The following ERBB4 variants were observed in gnomAD, a reference collection of about 807,000 sequenced individuals.
ERBB4 encodes erb-b2 receptor tyrosine kinase 4.
In ERBB4, 42 loss-of-function variants were observed where a neutral mutation model predicts 158.0. The observed-to-expected ratio is 0.27, with a 90% confidence interval of 0.21 to 0.34. The LOEUF is 0.34. Ranked by LOEUF, ERBB4 falls within the 10% of genes least tolerant of loss-of-function variation. ERBB4 has a pLI of 1.00. For missense variants in ERBB4, 1,333 were observed against 1,624.1 expected (o/e 0.82, Z 3.08); for synonymous variants, 583 against 558.7 (o/e 1.04, Z -0.61).
chr2:212,175,025 C>T (rs910524815), intron 1 of ERBB4, among the ~76,000 whole-genome samples: 2 of 152,062 alleles, frequency 1.3e-5, no homozygotes, highest in African/African-American at 4.8e-5. Flanking sequence ...ATGGCTTTTC[C>T]TCTGCCGTTT....
chr2:211,777,452 TAAC>T (rs1472254987), intron 4 of ERBB4: 1 of 152,192 alleles, frequency 6.6e-6, no homozygotes, highest in African/African-American at 2.4e-5. Flanking sequence ...TACCTTATCT[TAAC>T]AACAACTGCA....
chr2:211,900,616 C>G (rs2125030389), intron 3 of ERBB4, among the ~76,000 whole-genome samples: 1 of 152,096 alleles, frequency 6.6e-6, no homozygotes, highest in African/African-American at 2.4e-5. Context: ...AGTTTGCTGA[C>G]TTTTTTGATT....
intron 1 of ERBB4, among the ~76,000 whole-genome samples, chr2:212,377,768 T>C (rs1416033750): frequency 6.6e-6 from 1 of 151,936 alleles, no homozygotes; most frequent in East Asian, 1.9e-4. Context: ...TCTTCAATAA[T>C]ATAACCTTAG....
At chr2:212,356,358 T>C (rs1206465987) in intron 1 of ERBB4, among the ~76,000 whole-genome samples, 1 of 151,970 alleles carries the variant, frequency 6.6e-6, no homozygotes, top group Non-Finnish European at 1.5e-5. Context: ...AATGGGTCTG[T>C]CTCAGATGTC....
chr2:211,446,326 G>A (rs936502897), intron 20 of ERBB4, among the ~76,000 whole-genome samples: 8 of 152,292 alleles, frequency 5.3e-5, no homozygotes, highest in Non-Finnish European at 7.4e-5. Context: ...ATTGTCCTCA[G>A]AAGCAGAGAA....
chr2:212,167,506 T>C (rs926167462), intron 1 of ERBB4, among the ~76,000 whole-genome samples: 2 of 152,156 alleles, frequency 1.3e-5, no homozygotes, highest in Non-Finnish European at 1.5e-5. Context: ...ATAAATTAAT[T>C]CTAACTATTA....
chr2:211,752,512 A>G (rs1470219651), intron 4 of ERBB4, among the ~76,000 whole-genome samples: 1 of 149,466 alleles, frequency 6.7e-6, no homozygotes, highest in Non-Finnish European at 1.5e-5. Context: ...AAAAGAAAAG[A>G]AAAGATAAAA....
chr2:211,936,461 G>A (rs2080324670), intron 3 of ERBB4, among the ~76,000 whole-genome samples: 1 of 151,706 alleles, frequency 6.6e-6, no homozygotes. Context: ...CTTCAAAATT[G>A]TTATAGTCAT....
At chr2:211,682,557 G>A (rs1349677322) in intron 12 of ERBB4, among the ~76,000 whole-genome samples, 2 of 152,066 alleles carry the variant, frequency 1.3e-5, no homozygotes, top group African/African-American at 4.8e-5. Flanking sequence ...AACAATCACA[G>A]GTACTATGTA....
chr2:211,599,513 C>CTTGTGTGTGTGTGTGTGTGTGTGTGTGTG (rs1491358169), intron 19 of ERBB4, among the ~76,000 whole-genome samples: 1 of 140,804 alleles, frequency 7.1e-6, no homozygotes, highest in Non-Finnish European at 1.6e-5. Flanking sequence ...ATAATTTCTT[C>CTTGTGTGTGTGTGTGTGTGTGTGTGTGTG]TGTGTGTGTG....
intron 1 of ERBB4, among the ~76,000 whole-genome samples, chr2:212,532,943 T>G (rs1057420195): frequency 2.0e-5 from 3 of 152,224 alleles, no homozygotes; most frequent in Admixed American, 6.5e-5. Flanking sequence ...TTTCCTCTCT[T>G]GAAAAGTTTG....
intron 5 of ERBB4, among the ~76,000 whole-genome samples, chr2:211,746,666 TA>T (rs1003301128): frequency 1.1e-4 from 16 of 151,890 alleles, no homozygotes; most frequent in African/African-American, 3.6e-4. Context: ...CCGTCTCTAC[TA>T]AAAGTACAAA....
chr2:212,463,303 C>T (rs1460341937), intron 1 of ERBB4, among the ~76,000 whole-genome samples: 1 of 151,982 alleles, frequency 6.6e-6, no homozygotes, highest in East Asian at 1.9e-4. Flanking sequence ...GATGAATATG[C>T]TAATTATCCT....
chr2:212,002,271 A>C (rs558966422), intron 2 of ERBB4, among the ~76,000 whole-genome samples: 57 of 152,308 alleles, frequency 3.7e-4, no homozygotes, highest in African/African-American at 1.3e-3. Context: ...AGAAGCCAGA[A>C]CCTAAAACAC....
At chr2:212,394,954 G>A (rs1441674830) in intron 1 of ERBB4, among the ~76,000 whole-genome samples, 4 of 152,066 alleles carry the variant, frequency 2.6e-5, no homozygotes, top group African/African-American at 9.7e-5. Context: ...GGCCTTAAAC[G>A]TCAACTTCCA....
chr2:211,906,626 T>C (rs1254511198), intron 3 of ERBB4, among the ~76,000 whole-genome samples: 1 of 149,318 alleles, frequency 6.7e-6, no homozygotes, highest in African/African-American at 2.4e-5. Flanking sequence ...TGGGGCTTTG[T>C]TGTACAGATT....
chr2:212,102,307 C>T (rs1386460723), intron 2 of ERBB4, among the ~76,000 whole-genome samples: 1 of 151,360 alleles, frequency 6.6e-6, no homozygotes, highest in Non-Finnish European at 1.5e-5. Context: ...GGTCAATTTG[C>T]TTCTAAAATC....
At chr2:211,655,278 A>G (rs549360418) in intron 16 of ERBB4, among the ~76,000 whole-genome samples, 4 of 152,262 alleles carry the variant, frequency 2.6e-5, no homozygotes, top group African/African-American at 7.2e-5. Flanking sequence ...GTGGCTTTAA[A>G]GACCTCTCTC....
intron 1 of ERBB4, among the ~76,000 whole-genome samples, chr2:212,154,327 C>G (rs746945743): frequency 6.6e-6 from 1 of 152,056 alleles, no homozygotes; most frequent in Non-Finnish European, 1.5e-5. Flanking sequence ...CCTTAATATA[C>G]AAGGAAATTA....
Sources: allele counts gnomAD v4.1 joint callset (sites outside exome capture counted in the v4.1 genomes callset), GRCh38; gene constraint gnomAD v4.1.1; transcripts MANE v1.5; gene names NCBI Gene and HGNC (gene_info 2026-07-23, HGNC 2026-07-21).